CKAP4: variants seen among roughly 807,000 people sequenced by gnomAD.
CKAP4 encodes cytoskeleton-associated protein 4.
A neutral mutation model predicts 24.4 loss-of-function variants in CKAP4; 20 were observed. The ratio of observed to expected loss-of-function variants is 0.82; its 90% CI spans 0.58 to 1.19. CKAP4 has a LOEUF of 1.19. CKAP4 is among the 50% of genes most tolerant of loss of function. The probability of loss-of-function intolerance (pLI) is 0.00; values close to 1 mark genes in which losing one functional copy is unlikely to be tolerated. For missense variants in CKAP4, 744 were observed against 765.3 expected, an observed-to-expected ratio of 0.97 and a Z score of 0.33; for synonymous variants, 378 against 351.7, an observed-to-expected ratio of 1.07 and a Z score of -0.84.
At position 106,239,269 on chromosome 12, in the gene CKAP4, C is replaced by T. The variant is rs778757423; in HGVS notation, c.1564G>A (p.Ala522Thr). The T allele has an allele frequency of 8.1e-5, 131 of 1,613,216 alleles. No individual in the cohort carries two copies. The Middle Eastern group carries it at 9.9e-4, about 12-fold the overall frequency. ...TLLSQDQAQA[A>T]RLPPQDFLDR... The stretch of plus-strand genomic sequence containing the variant: ...AGGAAGTCCTGAGGAGGCAGACGGG[C>T]GGCCTGGGCTTGGTCCTGACTGAGC... The change falls in exon 2 of 2, where the codon GCC (alanine) becomes ACC (threonine). Residue 522 changes from alanine to threonine, a missense_variant. Physicochemically the swap from Ala to Thr is moderately conservative, Grantham distance 58. This residue lies in a region of CKAP4 where 401 missense variants were observed against 424.5 expected (regional missense o/e 0.94). Coordinates refer to ENST00000378026, the MANE Select transcript of CKAP4 (RefSeq NM_006825.4). This position sits in a 1 kb window ranked among gnomAD's most constrained non-coding sequence, Gnocchi z 4.9.
chr12:106,241,975 C>G (rs767314839), intron 1 of CKAP4, among the ~76,000 whole-genome samples: 1 of 151,696 alleles, frequency 6.6e-6, no homozygotes, highest in Non-Finnish European at 1.5e-5. Flanking sequence ...ATTCTTGAAA[C>G]TGAGGTTCAT....
intron 1 of CKAP4, among the ~76,000 whole-genome samples, chr12:106,243,378 G>A (rs1455256214): frequency 2.0e-5 from 3 of 152,210 alleles, no homozygotes; most frequent in African/African-American, 7.2e-5. Context: ...CAGGGGCACT[G>A]ACTTCAAAGT....
Position 106,238,754 on chromosome 12 carries a change from T to C in CKAP4, c.*270A>G, listed in dbSNP as rs2033935229. 1.3e-5 allele frequency: 5 copies of C among 373,704 alleles called. No individual in the cohort carries two copies. The highest frequency in any genetic ancestry group is 5.6e-5 in the South Asian group (1 of 17,920). 23.1% of individuals were successfully genotyped at this position (373,704 alleles called of 1,614,324 possible). On this transcript the variant is annotated 3_prime_UTR_variant, in exon 2 of 2. Coordinates refer to ENST00000378026, the MANE Select transcript of CKAP4 (RefSeq NM_006825.4). ...ATCCTCAATTTAAGCCTTTATCATT[T>C]TTCTCTGACTAGAGACATCCATGAA...
rs1239211475 is a variant in CKAP4 at position 106,247,735 on chromosome 12, C to T, written c.117G>A (p.Ala39=). 1.1e-5 allele frequency: 12 copies of T among 1,045,676 alleles called. No homozygotes were observed. Among genetic ancestry groups the T allele is most frequent in the Middle Eastern group, 4.6e-4 (1 of 2,192 alleles). 64.8% of individuals were successfully genotyped at this position (1,045,676 alleles called of 1,614,324 possible). A position where few individuals can be genotyped will look rare whatever the true frequency, so the allele number is the denominator to read the frequency against. ...CGGGCGGCGGCGGCGGCTGCTGCGG[C>T]GCCGGCGGCGGCTTCTTCGCCACGT... ...ADDVAKKPPP[A]PQQPPPPPAP... is the part of the protein sequence containing the mutation. Residue 39 remains alanine (A), a synonymous_variant, in exon 1 of 2, where the codon GCG becomes GCA. Transcript: ENST00000378026. The surrounding 1 kb of genome is among the most constrained non-coding windows in gnomAD (Gnocchi z 4.5).
rs2033949058 is a variant in CKAP4 at position 106,239,580 on chromosome 12, T to C, written c.1253A>G (p.Asp418Gly). The change falls in exon 2 of 2, where the codon GAT becomes GGT. Residue 418 changes from aspartate (D) to glycine (G), a missense_variant. Around this residue, in one of 3 missense-constraint regions of CKAP4, gnomAD observed 401 missense variants for 424.5 expected, o/e 0.94. Transcript: ENST00000378026. This position sits in a 1 kb window ranked among gnomAD's most constrained non-coding sequence, Gnocchi z 4.9. ...AGCCACCTGCATGGAGAGCACCCCA[T>C]CCTCCACGTGCTGGAGCCTGGAGTC... is the stretch of plus-strand genomic sequence containing the variant. Reference protein sequence around the residue: ...GLDSRLQHVEDGVLSMQVASA... With the variant: ...GLDSRLQHVEGGVLSMQVASA... The C allele has an allele frequency of 6.2e-7, 1 of 1,613,842 alleles. No homozygotes were observed. Among genetic ancestry groups the C allele is most frequent in the Non-Finnish European group, 8.5e-7 (1 of 1,180,002 alleles).
At position 106,239,551 on chromosome 12, in the gene CKAP4, C is replaced by G; in HGVS notation, c.1282G>C (p.Ala428Pro). Residue 428 changes from alanine to proline, a missense_variant, in exon 2 of 2, where the codon GCG (alanine) becomes CCG (proline). Ala to Pro is a conservative substitution (Grantham distance 27). Around this residue, in one of 3 missense-constraint regions of CKAP4, gnomAD observed 401 missense variants for 424.5 expected, o/e 0.94. Coordinates refer to ENST00000378026, the MANE Select transcript of CKAP4 (RefSeq NM_006825.4). The surrounding 1 kb of genome is among the most constrained non-coding windows in gnomAD (Gnocchi z 4.9). ...DGVLSMQVAS[A>P]RQTESLESLL... ...GACTCCAGGCTCTCGGTCTGGCGCGCAGAAGCCACCTGCATGGAGAGCACC... is the reference window on the plus strand; with the variant it reads ...GACTCCAGGCTCTCGGTCTGGCGCGGAGAAGCCACCTGCATGGAGAGCACC... 6.2e-7 allele frequency: 1 copy of G among 1,612,820 alleles called. No individual in the cohort carries two copies. The highest frequency in any genetic ancestry group is 8.5e-7 in the Non-Finnish European group (1 of 1,179,582).
At chr12:106,245,019 A>G (rs2033996316) in intron 1 of CKAP4, among the ~76,000 whole-genome samples, 1 of 152,132 alleles carries the variant, frequency 6.6e-6, no homozygotes, top group Admixed American at 6.5e-5. Context: ...ATTAACCTGG[A>G]TTCAAGACCT....
Position 106,238,722 on chromosome 12 carries a change from T to G in CKAP4, c.*302A>C, listed in dbSNP as rs2033934801. 4.0e-6 allele frequency: 1 copy of G among 251,956 alleles called. No homozygotes were observed. The highest frequency in any genetic ancestry group is 7.5e-6 in the Non-Finnish European group (1 of 133,046). 15.6% of individuals were successfully genotyped at this position (251,956 alleles called of 1,614,324 possible). A position where few individuals can be genotyped will look rare whatever the true frequency, so the allele number is the denominator to read the frequency against. ...ACAGGATTTCTGAGGTTAATCTGCT[T>G]CTGTTAATCCTCAATTTAAGCCTTT... On this transcript the variant is annotated 3_prime_UTR_variant, in exon 2 of 2. Coordinates refer to ENST00000378026, the MANE Select transcript of CKAP4 (RefSeq NM_006825.4).
rs758365339 is a variant in CKAP4 at position 106,240,207 on chromosome 12, T to C, written c.626A>G (p.Asn209Ser). 1 of 1,614,178 alleles carries C rather than the reference T, an allele frequency of 6.2e-7. No homozygotes were observed. The highest frequency in any genetic ancestry group is 8.5e-7 in the Non-Finnish European group (1 of 1,180,022). ...ATCCGAGAGGTCTTTGAGAATCTCA[T>C]TCTGGAGTTTCTGCAGCACTTCGCT... is the stretch of plus-strand genomic sequence containing the variant. ...RISEVLQKLQ[N>S]EILKDLSDGI... Residue 209 changes from asparagine (N) to serine (S), a missense_variant, in exon 2 of 2, where the codon AAT (asparagine) becomes AGT (serine). Around this residue, in one of 3 missense-constraint regions of CKAP4, gnomAD observed 300 missense variants for 264.5 expected, o/e 1.13. Coordinates refer to ENST00000378026, the MANE Select transcript of CKAP4 (RefSeq NM_006825.4).
chr12:106,238,963 C>G lies in CKAP4; in HGVS notation c.*61G>C. The stretch of plus-strand genomic sequence containing the variant: ...GGGTAGGGGACACATGGGAAAAAAC[C>G]ACACATTTTTTGGTCATGAGAAATT... On this transcript the variant is annotated 3_prime_UTR_variant, in exon 2 of 2. Coordinates refer to ENST00000378026, the MANE Select transcript of CKAP4 (RefSeq NM_006825.4). The G allele has an allele frequency of 6.4e-7, 1 of 1,568,472 alleles. No homozygotes were observed. The highest frequency in any genetic ancestry group is 8.7e-7 in the Non-Finnish European group (1 of 1,153,126).
At chr12:106,243,964 C>A (rs2033987671) in intron 1 of CKAP4, among the ~76,000 whole-genome samples, 1 of 152,206 alleles carries the variant, frequency 6.6e-6, no homozygotes, top group Non-Finnish European at 1.5e-5. Flanking sequence ...ATTATGAATA[C>A]TGTAAGTATA....
At position 106,239,757 on chromosome 12, in the gene CKAP4, G is replaced by C. The variant is rs370136151; in HGVS notation, c.1076C>G (p.Ser359Cys). ...LQALTEKLLR[S>C]EESVSRLPEE... ...CGGGAGGCGGGAGACGGACTCCTCA[G>C]ACCTGAGAAGCTTCTCCGTGAGGGC... is the stretch of plus-strand genomic sequence containing the variant. The change falls in exon 2 of 2, where the codon TCT (serine) becomes TGT (cysteine). Residue 359 changes from serine to cysteine, a missense_variant. By Grantham distance (112) the Ser-to-Cys change is moderately radical. Coordinates refer to ENST00000378026, the MANE Select transcript of CKAP4 (RefSeq NM_006825.4). The surrounding 1 kb of genome is among the most constrained non-coding windows in gnomAD (Gnocchi z 4.9). 8.5e-5 allele frequency: 137 copies of C among 1,613,892 alleles called. No homozygotes were observed. Among genetic ancestry groups the C allele is most frequent in the African/African-American group, 6.7e-5 (5 of 74,922 alleles).
chr12:106,242,935 G>C (rs2033979986), intron 1 of CKAP4, among the ~76,000 whole-genome samples: 1 of 152,168 alleles, frequency 6.6e-6, no homozygotes, highest in South Asian at 2.1e-4. Flanking sequence ...AAAAGAACAT[G>C]GTGTTCCCCT....
In CKAP4 at chr12:106,239,811, G is replaced by A. The variant is rs553591002; in HGVS notation, c.1022C>T (p.Ala341Val). The change falls in exon 2 of 2, where the codon GCG becomes GTG. Residue 341 changes from alanine to valine, a missense_variant. Ala to Val is a moderately conservative substitution (Grantham distance 64, BLOSUM62 0). Transcript: ENST00000378026. The surrounding 1 kb of genome is among the most constrained non-coding windows in gnomAD (Gnocchi z 4.9). ...LKQEQQAFKEAADTERLALQA... is the reference protein window; with the variant it reads ...LKQEQQAFKEVADTERLALQA... Reference sequence around the variant, plus strand: ...CAGGGCGAGCCGCTCCGTGTCGGCCGCCTCCTTGAAAGCCTGCTGCTCCTG... The same window carrying A: ...CAGGGCGAGCCGCTCCGTGTCGGCCACCTCCTTGAAAGCCTGCTGCTCCTG... 1.1e-5 allele frequency: 18 copies of A among 1,614,026 alleles called. No homozygotes were observed. Among genetic ancestry groups the A allele is most frequent in the South Asian group, 6.6e-5 (6 of 91,074 alleles).
At position 106,247,380 on chromosome 12, in the gene CKAP4, C is replaced by T. The variant is rs1267140579; in HGVS notation, c.472G>A (p.Val158Ile). Residue 158 changes from valine to isoleucine, a missense_variant, in exon 1 of 2, where the codon GTC becomes ATC. Transcript: ENST00000378026. This position sits in a 1 kb window ranked among gnomAD's most constrained non-coding sequence, Gnocchi z 4.5. The stretch of plus-strand genomic sequence containing the variant: ...CCGGGGGTACCCACCTTCTGCTCGA[C>T]GCCCTGCAAGCCCTGGCCCAGCTCC... Reference protein sequence around the residue: ...REELGQGLQGVEQKVQSLQAT... With the variant: ...REELGQGLQGIEQKVQSLQAT... The T allele has an allele frequency of 3.1e-5, 47 of 1,533,184 alleles. No individual in the cohort carries two copies. In the East Asian group the frequency reaches 1.1e-3, roughly 36 times the overall value. 95.0% of individuals were successfully genotyped at this position (1,533,184 alleles called of 1,614,324 possible).
chr12:106,243,814 A>C (rs2033986420), intron 1 of CKAP4, among the ~76,000 whole-genome samples: 1 of 152,242 alleles, frequency 6.6e-6, no homozygotes, highest in African/African-American at 2.4e-5. Context: ...GTGACCTTGA[A>C]TGAGTTACAC....
intron 1 of CKAP4, among the ~76,000 whole-genome samples, chr12:106,246,098 C>A (rs923596353): frequency 6.6e-6 from 1 of 152,168 alleles, no homozygotes; most frequent in African/African-American, 2.4e-5. Context: ...AGGGGCTGTA[C>A]TTGGTATGGA....
At position 106,247,778 on chromosome 12, in the gene CKAP4, G is replaced by C; in HGVS notation, c.74C>G (p.Pro25Arg). ...AASPSEKGAH[P>R]SGGADDVAKK... is the part of the protein sequence containing the mutation. ...CGCCACGTCATCCGCGCCGCCCGAC[G>C]GGTGGGCACCCTTCTCCGAGGGGCT... Residue 25 changes from proline (P) to arginine (R), a missense_variant, in exon 1 of 2, where the codon CCG becomes CGG. Around this residue, in one of 3 missense-constraint regions of CKAP4, gnomAD observed 300 missense variants for 264.5 expected, o/e 1.13. Transcript: ENST00000378026. This position sits in a 1 kb window ranked among gnomAD's most constrained non-coding sequence, Gnocchi z 4.5. 1 of 1,052,964 alleles carries C rather than the reference G, an allele frequency of 9.5e-7. No individual in the cohort carries two copies. Among genetic ancestry groups the C allele is most frequent in the South Asian group, 4.3e-5 (1 of 23,092 alleles). The allele number at this position is 1,052,964 out of a possible 1,614,324, so 65.2% of individuals were successfully genotyped here.
At chr12:106,241,543 C>A (rs183626027) in intron 1 of CKAP4, among the ~76,000 whole-genome samples, 3,845 of 151,996 alleles carry the variant, frequency 0.025, 169 homozygotes, top group African/African-American at 0.089. Flanking sequence ...CCGTTTTAGC[C>A]GGGATGGTCT....
Sources: allele counts gnomAD v4.1 joint callset (sites outside exome capture counted in the v4.1 genomes callset), GRCh38; gene constraint gnomAD v4.1.1; regional missense constraint gnomAD v4.1.1; non-coding constraint Gnocchi (gnomAD v3.1); transcripts MANE v1.5; gene names NCBI Gene and HGNC (gene_info 2026-07-23, HGNC 2026-07-21).